IL1RN: variants seen among roughly 807,000 people sequenced by gnomAD.
IL1RN encodes the protein interleukin 1 receptor antagonist, also known as interleukin-1 receptor antagonist protein.
A neutral mutation model predicts 13.7 loss-of-function variants in IL1RN; 10 were observed. The ratio of observed to expected loss-of-function variants is 0.73; its 90% CI spans 0.45 to 1.24. IL1RN has a LOEUF of 1.24. IL1RN is among the 50% of genes most tolerant of loss of function. IL1RN has a pLI of 0.00. For synonymous variants in IL1RN, 102 were observed against 82.7 expected (o/e 1.23, Z -1.27); for missense variants, 213 against 222.1 (o/e 0.96, Z 0.26).
At chr2:113,119,971 T>C (rs1686712943) in intron 1 of IL1RN, 1 of 931,966 alleles carries the variant, frequency 1.1e-6, no homozygotes, top group East Asian at 2.6e-5. Context: ...GATGGAACCA[T>C]GTGCATACAC....
In IL1RN at chr2:113,127,694, A is replaced by G. The variant is rs2104451905; in HGVS notation, c.70A>G (p.Ile24Val). 1 of 1,614,148 alleles carries G rather than the reference A, an allele frequency of 6.2e-7. No homozygotes were observed. ...LLLFLFHSET[I>V]CRPSGRKSSK... ...CCTCTTCCTGTTCCATTCAGAGACG[A>G]TCTGCCGACCCTCTGGGAGAAAATC... The change falls in exon 1 of 4, where the codon ATC (isoleucine) becomes GTC (valine). Residue 24 changes from isoleucine (I) to valine (V), a missense_variant. Transcript: ENST00000409930.
rs1687253720 is a variant in IL1RN at position 113,133,678 on chromosome 2, C to T, written c.*807C>T. 1 of 152,696 alleles carries T rather than the reference C, an allele frequency of 6.5e-6. No homozygotes were observed. The highest frequency in any genetic ancestry group is 6.5e-5 in the Admixed American group (1 of 15,276). The allele number at this position is 152,696 out of a possible 1,614,324, so 9.5% of individuals were successfully genotyped here. A position where few individuals can be genotyped will look rare whatever the true frequency, so the allele number is the denominator to read the frequency against. On this transcript the variant is annotated 3_prime_UTR_variant, in exon 4 of 4. Coordinates refer to ENST00000409930, the MANE Select transcript of IL1RN (RefSeq NM_173842.3). Reference sequence around the variant, plus strand: ...CTGCCTGCAGTACTTTACCTCCTATCAGAAGTTTCTCAGCTCCCAAGGCTC... The same window carrying T: ...CTGCCTGCAGTACTTTACCTCCTATTAGAAGTTTCTCAGCTCCCAAGGCTC...
At chr2:113,131,291 G>A (rs1441922938) in intron 3 of IL1RN, 134 bp downstream of exon 3, 2 of 705,606 alleles carry the variant, frequency 2.8e-6, no homozygotes, top group African/African-American at 3.5e-5. Context: ...ACATGCTGGG[G>A]TCACTTTGGA....
intron 2 of IL1RN, 174 bp downstream of exon 2, chr2:113,129,838 G>A: frequency 3.2e-6 from 2 of 629,918 alleles, no homozygotes; most frequent in Non-Finnish European, 5.9e-6. Flanking sequence ...CACATATGAG[G>A]GCAGCCTGAA....
Position 113,129,799 on chromosome 2 carries a change from G to A in IL1RN, c.205+135G>A, listed in dbSNP as rs4252014. The stretch of plus-strand genomic sequence containing the variant: ...TTGTTGGGTCTTTGTATTCAAGTTT[G>A]AAGCTGGGAGGGCCTGGCTACTGAA... On this transcript the variant is annotated intron_variant, in intron 2 of 3. Transcript: ENST00000409930. The A allele has an allele frequency of 5.5e-3, 3,961 of 717,772 alleles. 113 individuals carry two copies. In the African/African-American group the frequency reaches 0.059, roughly 11 times the overall value. The allele number at this position is 717,772 out of a possible 1,614,324, so 44.5% of individuals were successfully genotyped here.
chr2:113,127,101 A>T (rs1245347200), upstream of IL1RN, among the ~76,000 whole-genome samples: 2 of 152,234 alleles, frequency 1.3e-5, no homozygotes, highest in Non-Finnish European at 2.9e-5. Context: ...CGTGGCGCAC[A>T]AAACCTAAAA....
Position 113,132,834 on chromosome 2 carries a change from T to C in IL1RN, c.497T>C (p.Val166Ala), listed in dbSNP as rs762316704. 4 of 1,614,244 alleles carry C rather than the reference T, an allele frequency of 2.5e-6. No homozygotes were observed. The South Asian group carries it at 4.4e-5, about 18-fold the overall frequency. ...CTCACCAATATGCCTGACGAAGGCGTCATGGTCACCAAATTCTACTTCCAG... is the reference window on the plus strand; with the variant it reads ...CTCACCAATATGCCTGACGAAGGCGCCATGGTCACCAAATTCTACTTCCAG... ...VSLTNMPDEG[V>A]MVTKFYFQED... The change falls in exon 4 of 4, where the codon GTC (valine) becomes GCC (alanine). Residue 166 changes from valine (V) to alanine (A), a missense_variant. Physicochemically the swap from Val to Ala is moderately conservative, Grantham distance 64. Transcript: ENST00000409930.
upstream of IL1RN, among the ~76,000 whole-genome samples, chr2:113,109,229 A>C (rs943928761): frequency 6.6e-6 from 1 of 152,106 alleles, no homozygotes; most frequent in Non-Finnish European, 1.5e-5. Flanking sequence ...CCTGACCAAC[A>C]TGGGGAAACC....
In IL1RN at chr2:113,121,006, T is replaced by TTCC. The variant is rs1367469521; in HGVS notation, c.73+886_73+888dup. Among the ~76,000 whole-genome samples the TTCC allele has an allele frequency of 2.0e-4, 30 of 149,242 alleles. 1 individual carries two copies. The East Asian group carries it at 5.9e-3, about 29-fold the overall frequency. The stretch of plus-strand genomic sequence containing the variant: ...CTTCCTCCCCCTTCTCCTCTTCTTC[T>TTCC]TCCTCCTCCTTCTCCTCTTCTTCTT... On this transcript the variant is annotated intron_variant, in intron 2 of 5. Coordinates refer to the IL1RN transcript ENST00000259206.
At chr2:113,117,741 G>A, upstream of IL1RN, 2 of 582,282 alleles carry the variant, frequency 3.4e-6, no homozygotes, top group Non-Finnish European at 6.1e-6. Context: ...TTTGGTTTCT[G>A]CTAGCCTGAG....
upstream of IL1RN, among the ~76,000 whole-genome samples, chr2:113,102,992 G>T (rs1465292231): frequency 6.6e-6 from 1 of 152,244 alleles, no homozygotes; most frequent in Non-Finnish European, 1.5e-5. Flanking sequence ...GAGGTGCAAA[G>T]TACTCATGCT....
chr2:113,125,908 C>T (rs1686939078), upstream of IL1RN, among the ~76,000 whole-genome samples: 1 of 152,190 alleles, frequency 6.6e-6, no homozygotes, highest in Admixed American at 6.5e-5. Flanking sequence ...AAGTGATCCT[C>T]CTGCCTCAGC....
exon 1 of IL1RN, chr2:113,117,947 T>C: frequency 1.1e-6 from 1 of 941,302 alleles, no homozygotes; most frequent in Non-Finnish European, 1.8e-6. Flanking sequence ...GGTGCTACTT[T>C]ATGGGCAGCA....
upstream of IL1RN, among the ~76,000 whole-genome samples, chr2:113,116,316 G>C (rs1296626144): frequency 6.6e-6 from 1 of 152,180 alleles, no homozygotes; most frequent in Non-Finnish European, 1.5e-5. Flanking sequence ...GAAGTTTCCA[G>C]GTTTACAAAT....
At chr2:113,100,127 C>T in the IL1RN span, among the ~76,000 whole-genome samples, 9 of 149,120 alleles carry the variant, frequency 6.0e-5, no homozygotes, top group Non-Finnish European at 8.9e-5. Context: ...TCAAGACCAT[C>T]CTGGCTAACA....
chr2:113,104,025 T>C (rs1686351756), upstream of IL1RN, among the ~76,000 whole-genome samples: 2 of 151,610 alleles, frequency 1.3e-5, no homozygotes, highest in Admixed American at 1.3e-4. Context: ...CCAAATTTTC[T>C]CAGTTAAGCA....
At chr2:113,130,840 A>G (rs1286031302) in intron 2 of IL1RN, among the ~76,000 whole-genome samples, 1 of 151,538 alleles carries the variant, frequency 6.6e-6, no homozygotes, top group East Asian at 2.0e-4. Flanking sequence ...CATCCAGGAG[A>G]CTCAGGCCTC....
intron 2 of IL1RN, among the ~76,000 whole-genome samples, chr2:113,120,771 A>G (rs1300075729): frequency 6.6e-6 from 1 of 152,250 alleles, no homozygotes; most frequent in Non-Finnish European, 1.5e-5. Flanking sequence ...ATAGGAGTTC[A>G]GCCCAAAAGA....
upstream of IL1RN, among the ~76,000 whole-genome samples, chr2:113,126,396 G>C (rs1202796168): frequency 6.6e-6 from 1 of 152,122 alleles, no homozygotes; most frequent in Non-Finnish European, 1.5e-5. Flanking sequence ...AAATCTTTCT[G>C]AGTCTTCTTG....
Sources: gnomAD v4.1 joint callset for allele counts (sites outside exome capture counted in the v4.1 genomes callset) on GRCh38, gnomAD v4.1.1 for gene constraint, MANE v1.5 for transcripts, NCBI Gene and HGNC (gene_info 2026-07-23, HGNC 2026-07-21) for gene names.